The following KCNQ1OT1 variants were observed in gnomAD, a reference collection of about 807,000 sequenced individuals.
The protein encoded by KCNQ1OT1 is KCNQ1 antisense RNA 2 (non-protein coding).
In KCNQ1OT1 at chr11:2,652,547, C is replaced by G; in HGVS notation, n.47448G>C. 2.5e-6 allele frequency: 1 copy of G among 398,546 alleles called. No homozygotes were observed. The highest frequency in any genetic ancestry group is 4.4e-6 in the Non-Finnish European group (1 of 226,066). The allele number at this position is 398,546 out of a possible 1,614,324, so 24.7% of individuals were successfully genotyped here. On this transcript the variant is annotated non_coding_transcript_exon_variant, in exon 1 of 1. Coordinates refer to ENST00000597346, the Ensembl canonical transcript of KCNQ1OT1. The surrounding 1 kb of genome is among the most constrained non-coding windows in gnomAD (Gnocchi z 5.9). ...ACTCTTGGAGAAGATAGTGCTTAAC[C>G]CAGATTCCATTGTATATTAAAGTTT... is the stretch of plus-strand genomic sequence containing the variant.
chr11:2,681,446 C>T (rs1590028563), exon 1 of KCNQ1OT1: 4 of 398,388 alleles, frequency 1.0e-5, no homozygotes, highest in East Asian at 3.6e-5. Flanking sequence ...GATTTTGGGA[C>T]CAGATAACCT....
exon 1 of KCNQ1OT1, chr11:2,662,189 C>A: frequency 4.1e-6 from 6 of 1,468,010 alleles, no homozygotes; most frequent in Non-Finnish European, 4.7e-6. Context: ...GCTATCTACT[C>A]GCCTAGTGCC....
rs574641318 is a variant in KCNQ1OT1 at position 2,656,831 on chromosome 11, T to G, written n.43164A>C. 1.0e-4 allele frequency: 40 copies of G among 398,626 alleles called. 2 individuals carry two copies. In the South Asian group the frequency reaches 5.0e-3, roughly 49 times the overall value. 24.7% of individuals were successfully genotyped at this position (398,626 alleles called of 1,614,324 possible). On this transcript the variant is annotated non_coding_transcript_exon_variant, in exon 1 of 1. Coordinates refer to ENST00000597346, the Ensembl canonical transcript of KCNQ1OT1. ...TTCTTCTATATTCAGTCATGTGACC[T>G]TTATAGTTATGCTTTTCATAGTTAG...
rs950724148 is a variant in KCNQ1OT1, at chr11:2,613,952, A to G, written n.86043T>C. The stretch of plus-strand genomic sequence containing the variant: ...TTGAACTTTGCTTTTCTCACCTAAC[A>G]ACATCTCCTAGAAATCACTCAACAT... On this transcript the variant is annotated non_coding_transcript_exon_variant, in exon 1 of 1. Transcript: ENST00000597346. The surrounding 1 kb of genome is among the most constrained non-coding windows in gnomAD (Gnocchi z 4.8). The G allele has an allele frequency of 8.8e-5, 35 of 398,470 alleles. No individual in the cohort carries two copies. The highest frequency in any genetic ancestry group is 6.2e-4 in the Middle Eastern group (1 of 1,610). The allele number at this position is 398,470 out of a possible 1,614,324, so 24.7% of individuals were successfully genotyped here. A position where few individuals can be genotyped will look rare whatever the true frequency, so the allele number is the denominator to read the frequency against.
In KCNQ1OT1 at chr11:2,617,163, T is replaced by C. The variant is rs1464083265; in HGVS notation, n.82832A>G. ...AACTATTCTCATGTTCTACATGAGA[T>C]CTCTAGACTTGTTCATCCTATATAT... On this transcript the variant is annotated non_coding_transcript_exon_variant, in exon 1 of 1. Coordinates refer to ENST00000597346, the Ensembl canonical transcript of KCNQ1OT1. The surrounding 1 kb of genome is among the most constrained non-coding windows in gnomAD (Gnocchi z 4.6). The C allele has an allele frequency of 2.5e-6, 1 of 398,208 alleles. No individual in the cohort carries two copies. The highest frequency in any genetic ancestry group is 2.1e-5 in the African/African-American group (1 of 48,608). 24.7% of individuals were successfully genotyped at this position (398,208 alleles called of 1,614,324 possible). A position where few individuals can be genotyped will look rare whatever the true frequency, so the allele number is the denominator to read the frequency against.
In KCNQ1OT1 at chr11:2,652,014, T is replaced by G; in HGVS notation, n.47981A>C. 2.5e-6 allele frequency: 1 copy of G among 398,696 alleles called. No individual in the cohort carries two copies. The highest frequency in any genetic ancestry group is 4.4e-6 in the Non-Finnish European group (1 of 226,090). The allele number at this position is 398,696 out of a possible 1,614,324, so 24.7% of individuals were successfully genotyped here. On this transcript the variant is annotated non_coding_transcript_exon_variant, in exon 1 of 1. Coordinates refer to ENST00000597346, the Ensembl canonical transcript of KCNQ1OT1. This position sits in a 1 kb window ranked among gnomAD's most constrained non-coding sequence, Gnocchi z 5.9. ...ATCAGTTGTTAACATAATTTTGATG[T>G]TGAGCCTCCCCCCAGTTCTGGGGTG...
chr11:2,645,172 G>T lies in KCNQ1OT1; in HGVS notation n.54823C>A. ...TTCTGCCTCCCAAGGTGTCCATGCTGGTATTGGGATGGCTGGGATAAGCTG... is the reference window on the plus strand; with the variant it reads ...TTCTGCCTCCCAAGGTGTCCATGCTTGTATTGGGATGGCTGGGATAAGCTG... On this transcript the variant is annotated non_coding_transcript_exon_variant, in exon 1 of 1. Coordinates refer to ENST00000597346, the Ensembl canonical transcript of KCNQ1OT1. This position sits in a 1 kb window ranked among gnomAD's most constrained non-coding sequence, Gnocchi z 5.8. 2.5e-6 allele frequency: 1 copy of T among 398,678 alleles called. No individual in the cohort carries two copies. Among genetic ancestry groups the T allele is most frequent in the Non-Finnish European group, 4.4e-6 (1 of 226,110 alleles). The allele number at this position is 398,678 out of a possible 1,614,324, so 24.7% of individuals were successfully genotyped here.
chr11:2,630,903 C>G (rs1032258219), exon 1 of KCNQ1OT1: 53 of 398,334 alleles, frequency 1.3e-4, no homozygotes, highest in Non-Finnish European at 2.2e-4. Context: ...AATATATAAT[C>G]CTATTGTTTC....
At position 2,670,578 on chromosome 11, in the gene KCNQ1OT1, G is replaced by C. The variant is rs1850165218; in HGVS notation, n.29417C>G. The C allele has an allele frequency of 2.3e-5, 9 of 398,228 alleles. No individual in the cohort carries two copies. Among genetic ancestry groups the C allele is most frequent in the Non-Finnish European group, 4.0e-5 (9 of 226,034 alleles). 24.7% of individuals were successfully genotyped at this position (398,228 alleles called of 1,614,324 possible). On this transcript the variant is annotated non_coding_transcript_exon_variant, in exon 1 of 1. Coordinates refer to ENST00000597346, the Ensembl canonical transcript of KCNQ1OT1. The surrounding 1 kb of genome is among the most constrained non-coding windows in gnomAD (Gnocchi z 4.9). ...CCAGTATCACTGGGAGATAGGAGCA[G>C]AAGCCAGGGCTCATTCCCAGACACA...
Position 2,611,823 on chromosome 11 carries a change from G to C in KCNQ1OT1, n.88172C>G, listed in dbSNP as rs1394690566. The C allele has an allele frequency of 2.5e-6, 1 of 398,204 alleles. No homozygotes were observed. Among genetic ancestry groups the C allele is most frequent in the Non-Finnish European group, 4.4e-6 (1 of 225,986 alleles). 24.7% of individuals were successfully genotyped at this position (398,204 alleles called of 1,614,324 possible). A position where few individuals can be genotyped will look rare whatever the true frequency, so the allele number is the denominator to read the frequency against. On this transcript the variant is annotated non_coding_transcript_exon_variant, in exon 1 of 1. Transcript: ENST00000597346. The surrounding 1 kb of genome is among the most constrained non-coding windows in gnomAD (Gnocchi z 5.3). Reference sequence around the variant, plus strand: ...TTTACTGCCTTCTGCAGGTTGAATAGATATGTTCTAGAGTACCATTCTAAT... The same window carrying C: ...TTTACTGCCTTCTGCAGGTTGAATACATATGTTCTAGAGTACCATTCTAAT...
chr11:2,615,090 T>G (rs1022279815), exon 1 of KCNQ1OT1: 32 of 398,250 alleles, frequency 8.0e-5, no homozygotes, highest in Non-Finnish European at 8.9e-5. Context: ...TTTGTAGTCT[T>G]TAGTGCAGAA....
chr11:2,698,785 T>TC lies in KCNQ1OT1; in HGVS notation n.1209dup. The TC allele has an allele frequency of 2.5e-6, 1 of 398,400 alleles. No homozygotes were observed. The highest frequency in any genetic ancestry group is 4.4e-6 in the Non-Finnish European group (1 of 226,082). The allele number at this position is 398,400 out of a possible 1,614,324, so 24.7% of individuals were successfully genotyped here. A position where few individuals can be genotyped will look rare whatever the true frequency, so the allele number is the denominator to read the frequency against. On this transcript the variant is annotated non_coding_transcript_exon_variant, in exon 1 of 1. Transcript: ENST00000597346. The surrounding 1 kb of genome is among the most constrained non-coding windows in gnomAD (Gnocchi z 5.1). ...TGCAGACTCCAGACCGGGATTCAGGTCCCCAACTCAGACTCCCGATCCTCT... is the reference window on the plus strand; with the variant it reads ...TGCAGACTCCAGACCGGGATTCAGGTCCCCCAACTCAGACTCCCGATCCTCT...
chr11:2,695,026 G>A lies in KCNQ1OT1; in HGVS notation n.4969C>T, dbSNP rs1787192731. ...AGTGAGGGAGGACAGTGGTCAGAGAGGTAAGCAGGGCAGATCTTGTAAAAA... is the reference window on the plus strand; with the variant it reads ...AGTGAGGGAGGACAGTGGTCAGAGAAGTAAGCAGGGCAGATCTTGTAAAAA... On this transcript the variant is annotated non_coding_transcript_exon_variant, in exon 1 of 1. Coordinates refer to ENST00000597346, the Ensembl canonical transcript of KCNQ1OT1. This position sits in a 1 kb window ranked among gnomAD's most constrained non-coding sequence, Gnocchi z 5.2. 2.5e-6 allele frequency: 1 copy of A among 398,652 alleles called. No individual in the cohort carries two copies. Among genetic ancestry groups the A allele is most frequent in the Non-Finnish European group, 4.4e-6 (1 of 226,084 alleles). The allele number at this position is 398,652 out of a possible 1,614,324, so 24.7% of individuals were successfully genotyped here.
At chr11:2,680,215 A>C (rs1411952661) in exon 1 of KCNQ1OT1, 1 of 398,158 alleles carries the variant, frequency 2.5e-6, no homozygotes, top group African/African-American at 2.1e-5. Flanking sequence ...TTAAAAAAAA[A>C]AAAAAAAAAA....
In KCNQ1OT1 at chr11:2,642,778, C is replaced by CT. The variant is rs1186699835; in HGVS notation, n.57216dup. The CT allele has an allele frequency of 7.6e-6, 3 of 397,290 alleles. No individual in the cohort carries two copies. Among genetic ancestry groups the CT allele is most frequent in the East Asian group, 3.6e-5 (1 of 27,922 alleles). 24.6% of individuals were successfully genotyped at this position (397,290 alleles called of 1,614,324 possible). On this transcript the variant is annotated non_coding_transcript_exon_variant, in exon 1 of 1. Coordinates refer to ENST00000597346, the Ensembl canonical transcript of KCNQ1OT1. The surrounding 1 kb of genome is among the most constrained non-coding windows in gnomAD (Gnocchi z 4.3). The stretch of plus-strand genomic sequence containing the variant: ...TTAGATTATTTAAGATCTTTTCTAC[C>CT]TTTTTTAATGGAGGCATTTATTACA...
Position 2,696,833 on chromosome 11 carries a change from A to G in KCNQ1OT1, n.3162T>C, listed in dbSNP as rs547528424. 1.5e-5 allele frequency: 6 copies of G among 398,374 alleles called. No individual in the cohort carries two copies. The East Asian group carries it at 2.1e-4, about 14-fold the overall frequency. 24.7% of individuals were successfully genotyped at this position (398,374 alleles called of 1,614,324 possible). ...TATTCTGATTGCTGTCCTAATCTCT[A>G]TTATGCTTTTTTTTAGTCAGTTGCT... On this transcript the variant is annotated non_coding_transcript_exon_variant, in exon 1 of 1. Coordinates refer to ENST00000597346, the Ensembl canonical transcript of KCNQ1OT1.
chr11:2,666,683 T>G, exon 1 of KCNQ1OT1: 1 of 398,702 alleles, frequency 2.5e-6, no homozygotes, highest in Admixed American at 4.4e-5. Context: ...CAGCTTGGCC[T>G]GGGACATTTT....
At position 2,686,464 on chromosome 11, in the gene KCNQ1OT1, A is replaced by G. The variant is rs140087633; in HGVS notation, n.13531T>C. 6.7e-4 allele frequency: 266 copies of G among 398,626 alleles called. 1 individual carries two copies. The East Asian group carries it at 8.8e-3, about 13-fold the overall frequency. The allele number at this position is 398,626 out of a possible 1,614,324, so 24.7% of individuals were successfully genotyped here. On this transcript the variant is annotated non_coding_transcript_exon_variant, in exon 1 of 1. Transcript: ENST00000597346. ...TGCCAAGTTTCCACAATTGTTTTGA[A>G]ATAATTCCCAACAGATACCCCCACC...
At chr11:2,656,768 TTA>T in exon 1 of KCNQ1OT1, 1 of 398,648 alleles carries the variant, frequency 2.5e-6, no homozygotes, top group Non-Finnish European at 4.4e-6. Flanking sequence ...ATTGCTTCTT[TTA>T]AAAAAAACCA....
Sources: gnomAD v4.1 joint callset for allele counts on GRCh38, gnomAD v4.1.1 for gene constraint, Gnocchi (gnomAD v3.1) non-coding constraint, MANE v1.5 for transcripts, NCBI Gene and HGNC (gene_info 2026-07-23, HGNC 2026-07-21) for gene names.